PRKD1: variants seen among roughly 807,000 people sequenced by gnomAD.
PRKD1 encodes protein kinase D1.
PRKD1 carries 63 observed loss-of-function variants against 95.9 expected under a neutral mutation model. That is an observed-to-expected ratio of 0.66 (90% CI 0.54 to 0.81). The LOEUF is 0.81. Among genes scored for constraint, PRKD1 ranks in the 30% least tolerant of loss-of-function variants. The pLI, the probability that PRKD1 is intolerant of heterozygous loss-of-function variation, is 0.00. For synonymous variants in PRKD1, 425 were observed against 423.1 expected, an observed-to-expected ratio of 1.00 and a Z score of -0.05; for missense variants, 1,048 against 1,165.3, an observed-to-expected ratio of 0.90 and a Z score of 1.47.
chr14:29,850,032 G>C (rs776018795), intron 1 of PRKD1, among the ~76,000 whole-genome samples: 3 of 152,022 alleles, frequency 2.0e-5, no homozygotes, highest in Non-Finnish European at 4.4e-5. Context: ...CAAAAAATTA[G>C]GCATCAAGAA....
At chr14:29,676,176 C>CTTTTTTTTTTTTTTT (rs1566532166) in intron 2 of PRKD1, among the ~76,000 whole-genome samples, 2 of 62,244 alleles carry the variant, frequency 3.2e-5, no homozygotes, top group African/African-American at 1.9e-4. Context: ...TAGTTCATTA[C>CTTTTTTTTTTTTTTT]GTTTTTGTTT....
At chr14:29,877,114 C>CGCACT (rs1380425313) in intron 1 of PRKD1, among the ~76,000 whole-genome samples, 1 of 151,960 alleles carries the variant, frequency 6.6e-6, no homozygotes, top group African/African-American at 2.4e-5. Context: ...ATCGTGCCAC[C>CGCACT]GCACTCCAGC....
At chr14:29,786,934 G>A (rs1348339311) in intron 1 of PRKD1, among the ~76,000 whole-genome samples, 2 of 151,364 alleles carry the variant, frequency 1.3e-5, no homozygotes, top group African/African-American at 4.9e-5. Context: ...TTGTTTATTT[G>A]AAACTTTTTA....
chr14:29,891,118 T>C (rs780298895), intron 1 of PRKD1, among the ~76,000 whole-genome samples: 3 of 152,172 alleles, frequency 2.0e-5, no homozygotes. Context: ...CAATGGCTCA[T>C]AGATGCTAGC....
intron 2 of PRKD1, among the ~76,000 whole-genome samples, chr14:29,680,085 T>C (rs1194376523): frequency 6.6e-6 from 1 of 152,156 alleles, no homozygotes; most frequent in Non-Finnish European, 1.5e-5. Flanking sequence ...CGTTTGGAAG[T>C]CACTGGTGGA....
At chr14:29,662,882 T>C (rs1327803725) in intron 4 of PRKD1, among the ~76,000 whole-genome samples, 1 of 151,626 alleles carries the variant, frequency 6.6e-6, no homozygotes, top group Non-Finnish European at 1.5e-5. Flanking sequence ...AGGGGGTAAA[T>C]ATGGGAAATT....
chr14:29,783,052 C>T (rs1889119133), intron 1 of PRKD1, among the ~76,000 whole-genome samples: 4 of 152,142 alleles, frequency 2.6e-5, no homozygotes, highest in Admixed American at 2.6e-4. Flanking sequence ...TAAAATAAAT[C>T]ATTGTTAATT....
intron 1 of PRKD1, among the ~76,000 whole-genome samples, chr14:29,832,465 C>T (rs1252100391): frequency 6.6e-6 from 1 of 152,032 alleles, no homozygotes; most frequent in African/African-American, 2.4e-5. Context: ...TTCCTTCAGA[C>T]AAAAATTGGC....
chr14:29,855,577 T>G (rs2139347653), intron 1 of PRKD1, among the ~76,000 whole-genome samples: 1 of 152,270 alleles, frequency 6.6e-6, no homozygotes, highest in Middle Eastern at 3.4e-3. Flanking sequence ...TTTGGGGGAC[T>G]GTTGGGAAGG....
At chr14:29,764,328 C>A (rs1462078277) in intron 1 of PRKD1, among the ~76,000 whole-genome samples, 3 of 151,814 alleles carry the variant, frequency 2.0e-5, no homozygotes, top group East Asian at 3.9e-4. Context: ...ACCTTTAAAT[C>A]ATTGAAGAGT....
chr14:29,794,147 G>T (rs1470062200), intron 1 of PRKD1, among the ~76,000 whole-genome samples: 1 of 151,900 alleles, frequency 6.6e-6, no homozygotes, highest in African/African-American at 2.4e-5. Flanking sequence ...AGGAGGCTCA[G>T]AATTTTTAAG....
At chr14:29,773,574 C>G (rs190753053) in intron 1 of PRKD1, among the ~76,000 whole-genome samples, 69 of 151,894 alleles carry the variant, frequency 4.5e-4, no homozygotes, top group Admixed American at 9.8e-4. Context: ...TTCTGATGAG[C>G]TGTCTGTGCT....
intron 13 of PRKD1, among the ~76,000 whole-genome samples, chr14:29,617,338 G>C (rs1012903039): frequency 6.6e-5 from 10 of 152,254 alleles, no homozygotes; most frequent in African/African-American, 2.4e-4. Flanking sequence ...TTATAGGTGT[G>C]AGCTACTGTG....
At chr14:29,733,342 T>G (rs1175530207) in intron 1 of PRKD1, among the ~76,000 whole-genome samples, 1 of 152,062 alleles carries the variant, frequency 6.6e-6, no homozygotes, top group Non-Finnish European at 1.5e-5. Context: ...GGCCTCGTGA[T>G]CCACCCACCT....
At chr14:29,759,325 C>T (rs913724015) in intron 1 of PRKD1, among the ~76,000 whole-genome samples, 1 of 152,074 alleles carries the variant, frequency 6.6e-6, no homozygotes, top group African/African-American at 2.4e-5. Flanking sequence ...GCATGTCAAT[C>T]ACCTGGTGTG....
intron 2 of PRKD1, among the ~76,000 whole-genome samples, chr14:29,704,658 G>A (rs1205060760): frequency 6.6e-6 from 1 of 152,080 alleles, no homozygotes; most frequent in Non-Finnish European, 1.5e-5. Flanking sequence ...GTGGGAGCCT[G>A]TGTATCCCCT....
In PRKD1 at chr14:29,630,923, T is replaced by G. The variant is rs959875474; in HGVS notation, c.1491A>C (p.Ala497=). The G allele has an allele frequency of 6.2e-7, 1 of 1,614,092 alleles. No homozygotes were observed. The highest frequency in any genetic ancestry group is 8.5e-7 in the Non-Finnish European group (1 of 1,179,988). The change falls in exon 10 of 18, where the codon GCA becomes GCC. Residue 497 remains alanine (A), a synonymous_variant. Transcript: ENST00000331968. The stretch of plus-strand genomic sequence containing the variant: ...TTTCTCCCACATAATACACTACATT[T>G]GCCGTAGTGATTTCGAAACAATGAG... The part of the protein sequence containing the change: ...ANPHCFEITT[A]NVVYYVGENV...
chr14:29,826,796 TATATAC>T (rs1891185568), intron 1 of PRKD1, among the ~76,000 whole-genome samples: 1 of 53,596 alleles, frequency 1.9e-5, no homozygotes, highest in Admixed American at 2.9e-4. Flanking sequence ...TATACACATA[TATATAC>T]ACATATATAT....
chr14:29,737,077 C>T (rs1300046522), intron 1 of PRKD1, among the ~76,000 whole-genome samples: 1 of 151,130 alleles, frequency 6.6e-6, no homozygotes, highest in Non-Finnish European at 1.5e-5. Context: ...AATCCCAGCA[C>T]TTTGGGAGGC....
Sources: allele counts gnomAD v4.1 joint callset (sites outside exome capture counted in the v4.1 genomes callset), GRCh38; gene constraint gnomAD v4.1.1; transcripts MANE v1.5; gene names NCBI Gene and HGNC (gene_info 2026-07-23, HGNC 2026-07-21).